Variants in MIAT observed in about 807,000 individuals in gnomAD.
The protein encoded by MIAT is MI related novel mRNA.
chr22:26,673,410 G>T (rs60806642), downstream of MIAT: 18 of 398,960 alleles, frequency 4.5e-5, no homozygotes, highest in African/African-American at 3.1e-4. Flanking sequence ...ACTGCCCCAG[G>T]GGCTGACCAC....
At chr22:26,649,171 G>A (rs1047331048) in intron 2 of MIAT, among the ~76,000 whole-genome samples, 1 of 152,202 alleles carries the variant, frequency 6.6e-6, no homozygotes, top group African/African-American at 2.4e-5. Context: ...AGCCCTGCAA[G>A]TGAGGTTATG....
At chr22:26,648,953 G>GAGAGAC (rs1930289483) in intron 2 of MIAT, among the ~76,000 whole-genome samples, 1 of 151,300 alleles carries the variant, frequency 6.6e-6, no homozygotes, top group Admixed American at 6.6e-5. Context: ...GAGAGAGAGA[G>GAGAGAC]ACTACCAGGC....
At chr22:26,646,654 TTG>T (rs1879047298) in exon 1 of MIAT, 1 of 398,626 alleles carries the variant, frequency 2.5e-6, no homozygotes, top group Non-Finnish European at 4.4e-6. Flanking sequence ...TGGGGAGAGA[TTG>T]TGTGTCCCCG....
At chr22:26,658,351 C>T (rs1362618067) in intron 2 of MIAT, 1 of 152,216 alleles carries the variant, frequency 6.6e-6, no homozygotes, top group Admixed American at 6.5e-5. Flanking sequence ...TAAGAAACAA[C>T]CCCATTTTAA....
exon 6 of MIAT, chr22:26,669,425 A>C (rs1930965051): frequency 2.5e-6 from 1 of 398,606 alleles, no homozygotes; most frequent in Non-Finnish European, 4.4e-6. Context: ...CTATGTCCTC[A>C]CATGGCCTTT....
At chr22:26,648,963 C>A (rs1030991633) in intron 2 of MIAT, among the ~76,000 whole-genome samples, 5 of 148,500 alleles carry the variant, frequency 3.4e-5, no homozygotes, top group African/African-American at 1.2e-4. Flanking sequence ...GACTACCAGG[C>A]TGAAGTCAAA....
intron 5 of MIAT, chr22:26,667,380 G>C (rs1980682517): frequency 6.1e-6 from 2 of 327,094 alleles, no homozygotes; most frequent in Admixed American, 1.0e-4. Flanking sequence ...GTGCATGCCT[G>C]TGTGTGTGTG....
intron 2 of MIAT, among the ~76,000 whole-genome samples, chr22:26,655,032 C>T (rs1315816335): frequency 6.6e-6 from 1 of 152,214 alleles, no homozygotes; most frequent in Admixed American, 6.5e-5. Flanking sequence ...TAAAAAAGGA[C>T]TTTTGTGATT....
At chr22:26,674,855 C>T (rs971734367) in exon 5 of MIAT, 10 of 398,540 alleles carry the variant, frequency 2.5e-5, no homozygotes, top group African/African-American at 2.1e-4. Context: ...TACTATGTGC[C>T]AGGCACTGCT....
At chr22:26,667,121 G>A (rs1930873312) in intron 4 of MIAT, 12 of 397,990 alleles carry the variant, frequency 3.0e-5, no homozygotes, top group Non-Finnish European at 5.3e-5. Context: ...GGGGGTGGGT[G>A]GGATGGAATC....
At chr22:26,670,278 G>A (rs972181953), downstream of MIAT, 20 of 398,264 alleles carry the variant, frequency 5.0e-5, no homozygotes, top group South Asian at 1.3e-4. Flanking sequence ...GCCCTTTCCC[G>A]TGCTAGCCAT....
At chr22:26,648,312 A>AAAG (rs1242317347) in intron 2 of MIAT, among the ~76,000 whole-genome samples, 7 of 152,194 alleles carry the variant, frequency 4.6e-5, no homozygotes, top group Non-Finnish European at 7.4e-5. Flanking sequence ...TCTGGACACA[A>AAAG]AAGGCCAGAC....
At chr22:26,660,055 C>T (rs1267837278) in intron 2 of MIAT, among the ~76,000 whole-genome samples, 1 of 150,424 alleles carries the variant, frequency 6.6e-6, no homozygotes, top group African/African-American at 2.4e-5. Context: ...AGGCTGGTCT[C>T]GAACTCCTCA....
exon 5 of MIAT, chr22:26,675,395 A>T: frequency 2.5e-6 from 1 of 398,658 alleles, no homozygotes; most frequent in Non-Finnish European, 4.4e-6. Context: ...GGAGCGACGG[A>T]TATGATCTGA....
exon 6 of MIAT, chr22:26,669,431 C>G (rs1220372352): frequency 7.5e-6 from 3 of 398,520 alleles, no homozygotes; most frequent in Non-Finnish European, 1.3e-5. Flanking sequence ...CCTCACATGG[C>G]CTTTTCTCTG....
chr22:26,647,822 G>A (rs1930262545), intron 2 of MIAT, among the ~76,000 whole-genome samples: 1 of 152,090 alleles, frequency 6.6e-6, no homozygotes, highest in Non-Finnish European at 1.5e-5. Context: ...TGACTTGGTG[G>A]GATGGGAGGG....
downstream of MIAT, chr22:26,673,480 CTTAA>C (rs2146021959): frequency 2.5e-6 from 1 of 398,784 alleles, no homozygotes; most frequent in East Asian, 3.6e-5. Flanking sequence ...CTGACCGGTT[CTTAA>C]TTAACCTTTC....
chr22:26,653,171 C>T (rs1331681957), intron 2 of MIAT, among the ~76,000 whole-genome samples: 1 of 152,218 alleles, frequency 6.6e-6, no homozygotes, highest in Non-Finnish European at 1.5e-5. Flanking sequence ...AAAATGAGGG[C>T]AAAGGACCAG....
chr22:26,648,258 C>T (rs553448736), intron 2 of MIAT, among the ~76,000 whole-genome samples: 1 of 152,294 alleles, frequency 6.6e-6, no homozygotes, highest in South Asian at 2.1e-4. Flanking sequence ...GGTCTGTTTG[C>T]AGATGGATGA....
Sources: allele counts gnomAD v4.1 joint callset (sites outside exome capture counted in the v4.1 genomes callset), GRCh38; gene constraint gnomAD v4.1.1; transcripts MANE v1.5; gene names NCBI Gene and HGNC (gene_info 2026-07-23, HGNC 2026-07-21).